Variants in PTBP1 observed in about 807,000 individuals in gnomAD.
PTBP1 encodes the protein polypyrimidine tract-binding protein 1.
PTBP1 carries 8 observed loss-of-function variants against 59.8 expected under a neutral mutation model. That is an observed-to-expected ratio of 0.13 (90% CI 0.08 to 0.24). PTBP1 has a LOEUF of 0.24. Ranked by LOEUF, PTBP1 falls within the 10% of genes least tolerant of loss-of-function variation. PTBP1 has a pLI of 1.00. For missense variants in PTBP1, 686 were observed against 767.0 expected (o/e 0.89, Z 1.25); for synonymous variants, 490 against 320.7 (o/e 1.53, Z -5.64).
At chr19:800,401 C>T (rs1274196131) in intron 2 of PTBP1, among the ~76,000 whole-genome samples, 1 of 152,086 alleles carries the variant, frequency 6.6e-6, no homozygotes, top group African/African-American at 2.4e-5. Flanking sequence ...GGGTCAGAAC[C>T]TGGAGAAGAA....
Position 799,406 on chromosome 19 carries a change from T to A in PTBP1, c.9-7T>A, listed in dbSNP as rs779766915. The A allele has an allele frequency of 1.2e-6, 2 of 1,613,742 alleles. No individual in the cohort carries two copies. The highest frequency in any genetic ancestry group is 1.7e-6 in the Non-Finnish European group (2 of 1,179,884). The stretch of plus-strand genomic sequence containing the variant: ...GCTAACGTTGTCTCCTTTCTTTCTC[T>A]CTACAGCATTGTCCCAGATATAGCC... On this transcript the variant is annotated splice_polypyrimidine_tract_variant and splice_region_variant and intron_variant, in intron 1 of 14. Coordinates refer to ENST00000356948, the MANE Select transcript of PTBP1 (RefSeq NM_002819.5).
intron 13 of PTBP1, among the ~76,000 whole-genome samples, chr19:809,159 C>T (rs1400039467): frequency 6.6e-6 from 1 of 152,044 alleles, no homozygotes; most frequent in African/African-American, 2.4e-5. Context: ...TAGGCACCCA[C>T]AACCACACCT....
Position 808,664 on chromosome 19 carries a change from C to G in PTBP1, c.1365C>G (p.Asp455Glu). The change falls in exon 13 of 15, where the codon GAC (aspartate) becomes GAG (glutamate). Residue 455 changes from aspartate to glutamate, a missense_variant. Transcript: ENST00000356948. This position sits in a 1 kb window ranked among gnomAD's most constrained non-coding sequence, Gnocchi z 4.7. The stretch of plus-strand genomic sequence containing the variant: ...AGGAGGACCAGGGCCTGACCAAGGA[C>G]TACGGCAACTCACCCCTGCACCGCT... The part of the protein sequence containing the change: ...EGQEDQGLTK[D>E]YGNSPLHRFK... 1.2e-6 allele frequency: 2 copies of G among 1,612,480 alleles called. No individual in the cohort carries two copies. The highest frequency in any genetic ancestry group is 1.1e-5 in the South Asian group (1 of 91,020).
intron 8 of PTBP1, 77 bp from the exon 9 acceptor site, chr19:805,415 G>A: frequency 5.6e-6 from 8 of 1,435,726 alleles, no homozygotes; most frequent in Non-Finnish European, 7.8e-6. Flanking sequence ...CGGCCGGGTT[G>A]GGGCCCATCC....
Position 811,575 on chromosome 19 carries a change from A to G in PTBP1, c.*749A>G, listed in dbSNP as rs1302066486. 6.6e-6 allele frequency: 1 copy of G among 152,412 alleles called. No homozygotes were observed. The highest frequency in any genetic ancestry group is 1.5e-5 in the Non-Finnish European group (1 of 68,046). The allele number at this position is 152,412 out of a possible 1,614,324, so 9.4% of individuals were successfully genotyped here. On this transcript the variant is annotated 3_prime_UTR_variant, in exon 15 of 15. Coordinates refer to ENST00000356948, the MANE Select transcript of PTBP1 (RefSeq NM_002819.5). ...AAGATGATACAATGGTATGAGTGTA[A>G]TCTAAACTTCCTTGTGGTATTACCT...
chr19:810,671 G>C (rs200448387), intron 14 of PTBP1, 23 bp from the exon 15 acceptor site: 3 of 1,611,356 alleles, frequency 1.9e-6, no homozygotes, highest in African/African-American at 2.7e-5. Flanking sequence ...CCCTGCGGCC[G>C]GCCCTGACCC....
intron 2 of PTBP1, among the ~76,000 whole-genome samples, chr19:801,641 GGCTCCCCCAGCCTCTGA>G (rs2034338785): frequency 6.6e-6 from 1 of 152,240 alleles, no homozygotes; most frequent in Non-Finnish European, 1.5e-5. Flanking sequence ...TCGGCTCCTG[GGCTCCCCCAGCCTCTGA>G]GCTGGAGGGG....
rs368555425 is a variant in PTBP1, at chr19:806,272, C to T, written c.971-136C>T. On this transcript the variant is annotated intron_variant, in intron 9 of 14. Coordinates refer to ENST00000356948, the MANE Select transcript of PTBP1 (RefSeq NM_002819.5). Reference sequence around the variant, plus strand: ...GGGGGTCGGACGACCCCACAGGCACCCAGGGTAGGGCCAGAGCCAGGGCCG... The same window carrying T: ...GGGGGTCGGACGACCCCACAGGCACTCAGGGTAGGGCCAGAGCCAGGGCCG... 4.9e-5 allele frequency: 51 copies of T among 1,042,580 alleles called. No individual in the cohort carries two copies. The African/African-American group carries it at 7.9e-4, about 16-fold the overall frequency. 64.6% of individuals were successfully genotyped at this position (1,042,580 alleles called of 1,614,324 possible).
In PTBP1 at chr19:805,574, T is replaced by C; in HGVS notation, c.970+5T>C. The C allele has an allele frequency of 1.9e-6, 3 of 1,612,380 alleles. No individual in the cohort carries two copies. Among genetic ancestry groups the C allele is most frequent in the Non-Finnish European group, 1.7e-6 (2 of 1,178,446 alleles). ...TTGCCATTCCTCAAGCTGCAGGTAT[T>C]CAAACGCTTGGTCTTGGTTCCCCAG... On this transcript the variant is annotated splice_donor_5th_base_variant and intron_variant, in intron 9 of 14. Coordinates refer to ENST00000356948, the MANE Select transcript of PTBP1 (RefSeq NM_002819.5).
At chr19:804,770 G>A (rs2034487605) in intron 6 of PTBP1, 59 bp from the exon 7 acceptor site, 1 of 1,606,292 alleles carries the variant, frequency 6.2e-7, no homozygotes, top group Non-Finnish European at 8.5e-7. Flanking sequence ...ACACGGGAGG[G>A]GCCTGGCAGG....
intron 10 of PTBP1, 99 bp from the exon 11 acceptor site, chr19:807,770 G>A: frequency 1.1e-6 from 1 of 906,680 alleles, no homozygotes; most frequent in Non-Finnish European, 1.8e-6. Context: ...CTGCACGCCT[G>A]CGGGGACTGT....
rs1187247112 is a variant in PTBP1 at position 806,300 on chromosome 19, T to TC, written c.971-105dup. ...GGGTAGGGCCAGAGCCAGGGCCGCC[T>TC]CCCGCGCGGCTCGGCTCCTCGGTGC... On this transcript the variant is annotated intron_variant, in intron 9 of 14. Coordinates refer to ENST00000356948, the MANE Select transcript of PTBP1 (RefSeq NM_002819.5). 3 of 1,287,952 alleles carry TC rather than the reference T, an allele frequency of 2.3e-6. No homozygotes were observed. In the African/African-American group the frequency reaches 4.8e-5, roughly 20 times the overall value. 79.8% of individuals were successfully genotyped at this position (1,287,952 alleles called of 1,614,324 possible).
At position 805,062 on chromosome 19, in the gene PTBP1, A is replaced by T. The variant is rs774431350; in HGVS notation, c.767A>T (p.Asp256Val). ...AACGCCTGCTGCACGCTGCGCATCG[A>T]CTTTTCCAAGCTCACCAGCCTCAAC... ...IYNACCTLRI[D>V]FSKLTSLNVK... Residue 256 changes from aspartate (D) to valine (V), a missense_variant, in exon 8 of 15, where the codon GAC becomes GTC. Physicochemically the swap from Asp to Val is radical, Grantham distance 152. Coordinates refer to ENST00000356948, the MANE Select transcript of PTBP1 (RefSeq NM_002819.5). The T allele has an allele frequency of 1.2e-6, 2 of 1,613,832 alleles. No individual in the cohort carries two copies. Among genetic ancestry groups the T allele is most frequent in the Admixed American group, 3.3e-5 (2 of 60,024 alleles).
chr19:797,887 T>TC (rs1177993397), intron 1 of PTBP1, among the ~76,000 whole-genome samples: 1 of 147,922 alleles, frequency 6.8e-6, no homozygotes, highest in Non-Finnish European at 1.5e-5. Context: ...TCCCGTCCGC[T>TC]CCCCTCGTGC....
chr19:812,007 C>G lies in PTBP1; in HGVS notation c.*1181C>G, dbSNP rs1311279159. The G allele has an allele frequency of 6.6e-6, 1 of 152,382 alleles. No individual in the cohort carries two copies. Among genetic ancestry groups the G allele is most frequent in the African/African-American group, 2.4e-5 (1 of 41,428 alleles). 9.4% of individuals were successfully genotyped at this position (152,382 alleles called of 1,614,324 possible). A position where few individuals can be genotyped will look rare whatever the true frequency, so the allele number is the denominator to read the frequency against. On this transcript the variant is annotated 3_prime_UTR_variant, in exon 15 of 15. Transcript: ENST00000356948. ...ATCCCCTTTCCGTAAAAGCGTGTAA[C>G]AAGGGTGTAAATATTTATAATTTTT...
In PTBP1 at chr19:811,795, C is replaced by T. The variant is rs1780046237; in HGVS notation, c.*969C>T. The T allele has an allele frequency of 1.3e-5, 2 of 152,470 alleles. 1 individual carries two copies. The highest frequency in any genetic ancestry group is 4.1e-4 in the South Asian group (2 of 4,830). The allele number at this position is 152,470 out of a possible 1,614,324, so 9.4% of individuals were successfully genotyped here. A position where few individuals can be genotyped will look rare whatever the true frequency, so the allele number is the denominator to read the frequency against. ...CTCCGGTTGCCTTACACCACGCCTT[C>T]ACCTGCAGTCGCCTAGAAAACTTGC... On this transcript the variant is annotated 3_prime_UTR_variant, in exon 15 of 15. Coordinates refer to ENST00000356948, the MANE Select transcript of PTBP1 (RefSeq NM_002819.5).
At chr19:805,648 G>C (rs907803401) in intron 9 of PTBP1, 79 bp downstream of exon 9, 4 of 1,271,898 alleles carry the variant, frequency 3.1e-6, no homozygotes, top group Non-Finnish European at 4.6e-6. Flanking sequence ...ATCCACGGCG[G>C]CAGCCTGGGC....
Position 806,360 on chromosome 19 carries a change from C to T in PTBP1, c.971-48C>T, listed in dbSNP as rs753127879. The T allele has an allele frequency of 2.6e-5, 40 of 1,556,602 alleles. 1 individual carries two copies. In the South Asian group the frequency reaches 4.0e-4, roughly 16 times the overall value. On this transcript the variant is annotated intron_variant, in intron 9 of 14. Transcript: ENST00000356948. ...GGGAGCGTCGGCCTCTCCCACTCTG[C>T]GGTGGAGTCGGGGGCGCCGCCGCTC...
chr19:810,654 C>G, intron 14 of PTBP1, 34 bp downstream of exon 14: 1 of 1,612,222 alleles, frequency 6.2e-7, no homozygotes, highest in Non-Finnish European at 8.5e-7. Context: ...TGGCTCTCCC[C>G]AGGCTGCCCT....
Sources: gnomAD v4.1 joint callset for allele counts (sites outside exome capture counted in the v4.1 genomes callset) on GRCh38, gnomAD v4.1.1 for gene constraint, Gnocchi (gnomAD v3.1) non-coding constraint, MANE v1.5 for transcripts, NCBI Gene and HGNC (gene_info 2026-07-23, HGNC 2026-07-21) for gene names.